Variants in TAF1B observed in about 807,000 individuals in gnomAD.
TAF1B encodes the protein TATA box-binding protein-associated factor RNA polymerase I subunit B.
A neutral mutation model predicts 83.9 loss-of-function variants in TAF1B; 61 were observed. The ratio of observed to expected loss-of-function variants is 0.73; its 90% CI spans 0.59 to 0.90. The LOEUF (loss-of-function observed/expected upper bound fraction) is 0.90. Ranked by LOEUF, TAF1B falls within the 40% of genes least tolerant of loss-of-function variation. The probability of loss-of-function intolerance (pLI) is 0.00; values close to 1 mark genes in which losing one functional copy is unlikely to be tolerated. For synonymous variants in TAF1B, 221 were observed against 224.6 expected (o/e 0.98, Z 0.14); for missense variants, 625 against 677.0 (o/e 0.92, Z 0.85).
chr2:9,851,775 A>C, intron 4 of TAF1B, 137 bp downstream of exon 4: 1 of 731,258 alleles, frequency 1.4e-6, no homozygotes, highest in Non-Finnish European at 2.3e-6. Flanking sequence ...TTTTTGCTTT[A>C]ATCCTTTTAG....
intron 1 of TAF1B, chr2:9,844,316 AT>A (rs796519619): frequency 1.1e-3 from 158 of 145,230 alleles, no homozygotes; most frequent in Non-Finnish European, 1.1e-3. Flanking sequence ...AGCCCGGCTA[AT>A]TTTTTTTTTT....
intron 8 of TAF1B, among the ~76,000 whole-genome samples, chr2:9,885,753 A>G (rs200099314): frequency 9.4e-6 from 1 of 106,060 alleles, no homozygotes; most frequent in African/African-American, 3.8e-5. Context: ...GCCCCCCCCC[A>G]CTTTGTCCTT....
chr2:9,931,222 G>C (rs1052541693), intron 14 of TAF1B, among the ~76,000 whole-genome samples: 14 of 152,174 alleles, frequency 9.2e-5, no homozygotes, highest in East Asian at 1.9e-4. Flanking sequence ...GATGTTAGCT[G>C]GTTATTTTGC....
At chr2:9,903,831 C>G (rs189271603) in intron 8 of TAF1B, among the ~76,000 whole-genome samples, 1 of 152,166 alleles carries the variant, frequency 6.6e-6, no homozygotes, top group Non-Finnish European at 1.5e-5. Context: ...TCTCCAGATT[C>G]TTCTAAGGCA....
At chr2:9,929,181 CG>C (rs1234028575) in intron 14 of TAF1B, among the ~76,000 whole-genome samples, 12 of 108,516 alleles carry the variant, frequency 1.1e-4, no homozygotes, top group Admixed American at 2.6e-4. Flanking sequence ...TGTTTAGAGA[CG>C]GAGTCTCGCT....
chr2:9,894,390 A>G (rs541304628), intron 8 of TAF1B, among the ~76,000 whole-genome samples: 1 of 152,292 alleles, frequency 6.6e-6, no homozygotes, highest in East Asian at 1.9e-4. Context: ...ATTTAAAGAA[A>G]AAACATTCTA....
At position 9,919,833 on chromosome 2, in the gene TAF1B, T is replaced by C. The variant is rs1388637493; in HGVS notation, c.1565+13T>C. The C allele has an allele frequency of 7.5e-6, 12 of 1,606,578 alleles. No individual in the cohort carries two copies. The highest frequency in any genetic ancestry group is 9.4e-6 in the Non-Finnish European group (11 of 1,175,240). ...AATTCTGCAGATGGTAATAATGCTT[T>C]TAGAAAAAGTCACATATAATTGAAG... is the stretch of plus-strand genomic sequence containing the variant. On this transcript the variant is annotated intron_variant, in intron 14 of 14. Transcript: ENST00000263663.
intron 12 of TAF1B, among the ~76,000 whole-genome samples, 180 bp from the exon 13 acceptor site, chr2:9,918,861 G>A (rs1276490424): frequency 5.3e-5 from 8 of 152,182 alleles, no homozygotes; most frequent in Non-Finnish European, 1.2e-4. Context: ...CTTGGCCTGG[G>A]CTGTTGGTCA....
intron 6 of TAF1B, among the ~76,000 whole-genome samples, chr2:9,871,544 T>G (rs1320222677): frequency 6.6e-6 from 1 of 152,238 alleles, no homozygotes; most frequent in Non-Finnish European, 1.5e-5. Context: ...CTGACTTGAT[T>G]GTTTTGGCCT....
intron 1 of TAF1B, chr2:9,844,605 T>C (rs1055945334): frequency 5.9e-5 from 9 of 152,284 alleles, no homozygotes; most frequent in African/African-American, 2.2e-4. Flanking sequence ...TTAAAAAATG[T>C]TTACTGATGA....
At chr2:9,921,217 A>G (rs928072795) in intron 14 of TAF1B, among the ~76,000 whole-genome samples, 1 of 152,198 alleles carries the variant, frequency 6.6e-6, no homozygotes, top group Middle Eastern at 3.4e-3. Context: ...TCAGCCTTCC[A>G]AGTAGCTGGA....
intron 5 of TAF1B, 52 bp from the exon 6 acceptor site, chr2:9,868,224 A>G: frequency 1.3e-6 from 2 of 1,586,982 alleles, no homozygotes; most frequent in Non-Finnish European, 1.7e-6. Flanking sequence ...CACAGAAATT[A>G]ACTGTTTAAA....
intron 8 of TAF1B, among the ~76,000 whole-genome samples, chr2:9,888,788 T>TC (rs1558251661): frequency 9.7e-6 from 1 of 103,368 alleles, no homozygotes; most frequent in East Asian, 2.7e-4. Flanking sequence ...TTCTTCTGCT[T>TC]GGTTTTTTTT....
intron 8 of TAF1B, among the ~76,000 whole-genome samples, chr2:9,896,071 AC>A (rs949167168): frequency 6.6e-6 from 1 of 152,138 alleles, no homozygotes; most frequent in African/African-American, 2.4e-5. Flanking sequence ...CTTTTAAAAA[AC>A]ATGTTAAACT....
At chr2:9,929,736 G>C (rs550559065) in intron 14 of TAF1B, among the ~76,000 whole-genome samples, 47 of 152,232 alleles carry the variant, frequency 3.1e-4, no homozygotes, top group Middle Eastern at 3.4e-3. Context: ...TTTTTCTGTT[G>C]ATTGGAATAG....
intron 14 of TAF1B, among the ~76,000 whole-genome samples, chr2:9,924,903 TA>T (rs1665988759): frequency 6.6e-6 from 1 of 152,154 alleles, no homozygotes; most frequent in Non-Finnish European, 1.5e-5. Flanking sequence ...GAGGCAGAGT[TA>T]ACAATTTCAA....
At chr2:9,889,338 T>C (rs1036703033) in intron 8 of TAF1B, among the ~76,000 whole-genome samples, 1 of 152,146 alleles carries the variant, frequency 6.6e-6, no homozygotes, top group Non-Finnish European at 1.5e-5. Flanking sequence ...TGTTATGTCT[T>C]CAGATTCAGT....
intron 14 of TAF1B, among the ~76,000 whole-genome samples, chr2:9,933,319 A>G (rs1666274979): frequency 6.6e-6 from 1 of 152,214 alleles, no homozygotes; most frequent in African/African-American, 2.4e-5. Flanking sequence ...AAATAATGGA[A>G]ATTGCTTGGT....
intron 12 of TAF1B, 149 bp downstream of exon 12, chr2:9,913,398 C>T (rs764814346): frequency 1.3e-4 from 68 of 521,442 alleles, no homozygotes; most frequent in Non-Finnish European, 2.2e-4. Flanking sequence ...ATTAACTTTT[C>T]TCTTTTTTAC....
Sources: gnomAD v4.1 joint callset for allele counts (sites outside exome capture counted in the v4.1 genomes callset) on GRCh38, gnomAD v4.1.1 for gene constraint, MANE v1.5 for transcripts, NCBI Gene and HGNC (gene_info 2026-07-23, HGNC 2026-07-21) for gene names.